The following STK3 variants were observed in gnomAD, a reference collection of about 807,000 sequenced individuals.
STK3 encodes the protein serine/threonine kinase 3, also known as serine/threonine-protein kinase 3.
In STK3, 41 loss-of-function variants were observed where a neutral mutation model predicts 58.0. That is an observed-to-expected ratio of 0.71 (90% CI 0.55 to 0.92). The LOEUF (loss-of-function observed/expected upper bound fraction) is 0.92. Ranked by LOEUF, STK3 falls within the 40% of genes least tolerant of loss-of-function variation. The pLI is 0.00. For synonymous variants in STK3, 170 were observed against 191.0 expected (o/e 0.89, Z 0.91); for missense variants, 479 against 602.7 (o/e 0.79, Z 2.15).
At chr8:98,916,112 G>A (rs551643179) in intron 1 of STK3, among the ~76,000 whole-genome samples, 4 of 152,078 alleles carry the variant, frequency 2.6e-5, no homozygotes, top group South Asian at 4.2e-4. Flanking sequence ...TTAAAACCCC[G>A]TTTAAAAAAA....
rs866829393 is a variant in STK3 at position 98,428,424 on chromosome 8, G to A, written n.483+5703C>T. On this transcript the variant is annotated intron_variant and non_coding_transcript_variant, in intron 3 of 3. Coordinates refer to the STK3 transcript ENST00000517832. The surrounding 1 kb of genome is among the most constrained non-coding windows in gnomAD (Gnocchi z 6.7). ...CCAGGAGAGCACCACGTCTTCCTTC[G>A]ATGAGATCCTTGCCTTCTACAACGA... 1.2e-6 allele frequency: 2 copies of A among 1,614,138 alleles called. No individual in the cohort carries two copies. The highest frequency in any genetic ancestry group is 1.7e-6 in the Non-Finnish European group (2 of 1,180,036).
chr8:98,701,307 A>T (rs1366707964), intron 6 of STK3, among the ~76,000 whole-genome samples: 2 of 152,182 alleles, frequency 1.3e-5, no homozygotes, highest in African/African-American at 4.8e-5. Context: ...CTGATTTAAA[A>T]TATATACATA....
At chr8:98,407,764 G>A (rs1036576998) in intron 3 of STK3, among the ~76,000 whole-genome samples, 3 of 151,678 alleles carry the variant, frequency 2.0e-5, no homozygotes, top group Admixed American at 6.6e-5. Flanking sequence ...GTGTGCGCGC[G>A]CGCGCGCATG....
intron 1 of STK3, among the ~76,000 whole-genome samples, chr8:98,786,704 C>A (rs1295491691): frequency 1.3e-5 from 2 of 152,112 alleles, no homozygotes; most frequent in African/African-American, 4.8e-5. Context: ...AAGCAAACAA[C>A]CTGGAAAATA....
intron 6 of STK3, among the ~76,000 whole-genome samples, chr8:98,673,242 T>C (rs1822957313): frequency 6.6e-6 from 1 of 152,210 alleles, no homozygotes; most frequent in Non-Finnish European, 1.5e-5. Flanking sequence ...ATTTTACATC[T>C]AGGTCATAAG....
intron 6 of STK3, among the ~76,000 whole-genome samples, chr8:98,646,010 T>C (rs1389072038): frequency 6.6e-6 from 1 of 151,990 alleles, no homozygotes; most frequent in Non-Finnish European, 1.5e-5. Flanking sequence ...AAAATGAAAA[T>C]TGCACCTTTC....
At chr8:98,867,612 T>A (rs1837193542) in intron 3 of STK3, among the ~76,000 whole-genome samples, 1 of 151,932 alleles carries the variant, frequency 6.6e-6, no homozygotes. Context: ...ACTGCACAAT[T>A]TTGTCAGAAA....
At chr8:98,890,205 G>A (rs1011032665) in intron 1 of STK3, among the ~76,000 whole-genome samples, 1 of 152,202 alleles carries the variant, frequency 6.6e-6, no homozygotes, top group African/African-American at 2.4e-5. Context: ...GGAGTAAAAT[G>A]GGACACCTGG....
At chr8:98,929,487 T>C (rs1839931558) in intron 1 of STK3, among the ~76,000 whole-genome samples, 3 of 152,040 alleles carry the variant, frequency 2.0e-5, no homozygotes, top group African/African-American at 4.8e-5. Flanking sequence ...CGAAACCCCA[T>C]CTCTGCAAAA....
At chr8:98,811,373 C>T (rs536657725) in intron 1 of STK3, among the ~76,000 whole-genome samples, 61 of 152,264 alleles carry the variant, frequency 4.0e-4, no homozygotes, top group African/African-American at 1.4e-3. Context: ...CTAATAGTAG[C>T]TACTTAATGA....
At chr8:98,757,442 A>C (rs548604676) in intron 3 of STK3, among the ~76,000 whole-genome samples, 2 of 150,698 alleles carry the variant, frequency 1.3e-5, no homozygotes, top group Non-Finnish European at 3.0e-5. Flanking sequence ...AAAGATATAA[A>C]AAATTAGCCG....
intron 10 of STK3, among the ~76,000 whole-genome samples, chr8:98,467,374 G>C (rs923111922): frequency 6.6e-6 from 1 of 151,992 alleles, no homozygotes; most frequent in Non-Finnish European, 1.5e-5. Context: ...AAAAATGGTG[G>C]GTCTCTTAGT....
intron 6 of STK3, among the ~76,000 whole-genome samples, chr8:98,681,146 G>A (rs757003931): frequency 1.1e-4 from 16 of 151,878 alleles, no homozygotes; most frequent in Non-Finnish European, 1.9e-4. Context: ...CTACAGGCGC[G>A]TGCCACCACA....
rs186360199 is a variant in STK3, at chr8:98,726,291, T to C, written c.352-18980A>G. The stretch of plus-strand genomic sequence containing the variant: ...GTAAACTTAATTTACTTAGTTAAGG[T>C]AGAAGGGATAGTCTATGTAGGGGAC... On this transcript the variant is annotated intron_variant, in intron 4 of 10. Coordinates refer to ENST00000419617, the MANE Select transcript of STK3 (RefSeq NM_006281.4). 1.1e-4 allele frequency among the ~76,000 whole-genome samples: 17 copies of C among 152,250 alleles called. No homozygotes were observed. In the East Asian group the frequency reaches 3.3e-3, roughly 29 times the overall value.
the STK3 span, among the ~76,000 whole-genome samples, chr8:98,353,571 T>G: frequency 6.6e-6 from 1 of 152,230 alleles, no homozygotes; most frequent in Admixed American, 6.5e-5. Flanking sequence ...TCCCAAGATA[T>G]CTCATTATGT....
intron 4 of STK3, among the ~76,000 whole-genome samples, chr8:98,736,447 G>A (rs1198760952): frequency 6.6e-6 from 1 of 152,124 alleles, no homozygotes; most frequent in African/African-American, 2.4e-5. Flanking sequence ...ACAGTGACAA[G>A]GTATGAAACT....
At chr8:98,741,559 C>T (rs898629105) in intron 4 of STK3, among the ~76,000 whole-genome samples, 7 of 152,134 alleles carry the variant, frequency 4.6e-5, no homozygotes, top group Non-Finnish European at 1.0e-4. Context: ...AGAACAAAGA[C>T]ACAACATACC....
rs1338297452 is a variant in STK3 at position 98,554,971 on chromosome 8, G to A, written c.949-6810C>T. 2.0e-5 allele frequency among the ~76,000 whole-genome samples: 3 copies of A among 151,994 alleles called. No homozygotes were observed. In the East Asian group the frequency reaches 5.8e-4, roughly 29 times the overall value. On this transcript the variant is annotated intron_variant, in intron 8 of 10. Coordinates refer to ENST00000419617, the MANE Select transcript of STK3 (RefSeq NM_006281.4). Reference sequence around the variant, plus strand: ...AAGAAAAACATGTTGATACTTCATAGAAAAAGGTCTGCAGAACAGATGCTT... The same window carrying A: ...AAGAAAAACATGTTGATACTTCATAAAAAAAGGTCTGCAGAACAGATGCTT...
intron 1 of STK3, chr8:98,883,948 G>C (rs1837890532): frequency 4.0e-6 from 2 of 505,300 alleles, no homozygotes; most frequent in Admixed American, 6.4e-5. Context: ...AGGGAGGGGA[G>C]AGCAAAGGAA....
Sources: gnomAD v4.1 joint callset for allele counts (sites outside exome capture counted in the v4.1 genomes callset) on GRCh38, gnomAD v4.1.1 for gene constraint, Gnocchi (gnomAD v3.1) non-coding constraint, MANE v1.5 for transcripts, NCBI Gene and HGNC (gene_info 2026-07-23, HGNC 2026-07-21) for gene names.